UBR3: variants seen among roughly 807,000 people sequenced by gnomAD.
UBR3 encodes E3 ubiquitin-protein ligase UBR3.
UBR3 carries 85 observed loss-of-function variants against 243.2 expected under a neutral mutation model. The ratio of observed to expected loss-of-function variants is 0.35; its 90% CI spans 0.29 to 0.42. UBR3 has a LOEUF of 0.42. Ranked by LOEUF, UBR3 falls within the 10% of genes least tolerant of loss-of-function variation. UBR3 has a pLI of 1.00. For synonymous variants in UBR3, 748 were observed against 799.8 expected (o/e 0.94, Z 1.09); for missense variants, 1,686 against 2,300.8 (o/e 0.73, Z 5.47).
intron 8 of UBR3, among the ~76,000 whole-genome samples, chr2:169,901,033 A>G (rs1316601624): frequency 6.6e-6 from 1 of 152,148 alleles, no homozygotes; most frequent in Non-Finnish European, 1.5e-5. Context: ...TCATAGTTTA[A>G]ACTTTACCTT....
rs572614459 is a variant in UBR3 at position 169,852,704 on chromosome 2, A to G, written c.546-19532A>G. Among the ~76,000 whole-genome samples the G allele has an allele frequency of 6.4e-3, 967 of 151,074 alleles. 11 individuals carry two copies. The highest frequency in any genetic ancestry group is 0.022 in the African/African-American group (905 of 41,230). On this transcript the variant is annotated intron_variant, in intron 1 of 38. Coordinates refer to ENST00000272793, the MANE Select transcript of UBR3 (RefSeq NM_172070.4). ...CTAAAAATACAAAAAAAAAAAAAAA[A>G]GCTGGGTGTGGTGGCAGATGCCTGT...
chr2:169,925,481 C>A (rs1387015772), intron 13 of UBR3, 138 bp from the exon 14 acceptor site: 2 of 745,522 alleles, frequency 2.7e-6, no homozygotes, highest in East Asian at 3.3e-5. Flanking sequence ...TATATTTCAA[C>A]TGATTATCTT....
intron 5 of UBR3, among the ~76,000 whole-genome samples, chr2:169,888,009 C>G (rs1166839158): frequency 6.6e-6 from 1 of 152,052 alleles, no homozygotes; most frequent in African/African-American, 2.4e-5. Flanking sequence ...CTCCCGACCT[C>G]AGGTGATCCG....
At chr2:169,994,249 C>T in intron 25 of UBR3, 74 bp from the exon 26 acceptor site, 1 of 1,506,190 alleles carries the variant, frequency 6.6e-7, no homozygotes, top group African/African-American at 1.4e-5. Context: ...TGGTAAATAA[C>T]TCAGCTTTTC....
chr2:169,994,030 A>C (rs75690823), intron 25 of UBR3, among the ~76,000 whole-genome samples: 1 of 152,100 alleles, frequency 6.6e-6, no homozygotes, highest in South Asian at 2.1e-4. Flanking sequence ...AATACTGGAG[A>C]GTTATATCAT....
chr2:169,900,132 A>G (rs1195198404), intron 8 of UBR3, among the ~76,000 whole-genome samples: 6 of 152,198 alleles, frequency 3.9e-5, no homozygotes, highest in Admixed American at 1.3e-4. Flanking sequence ...AAGCGTTCCT[A>G]TTTCTCCACA....
intron 35 of UBR3, among the ~76,000 whole-genome samples, chr2:170,067,651 GTT>G (rs1475076429): frequency 6.6e-6 from 1 of 151,898 alleles, no homozygotes; most frequent in African/African-American, 2.4e-5. Flanking sequence ...TATAAAGTGT[GTT>G]TTTTGACTAC....
intron 24 of UBR3, among the ~76,000 whole-genome samples, chr2:169,980,256 GATA>G (rs1460818085): frequency 1.3e-5 from 2 of 152,206 alleles, no homozygotes; most frequent in Non-Finnish European, 2.9e-5. Context: ...TGATTCATGT[GATA>G]ATAATGGATT....
intron 29 of UBR3, among the ~76,000 whole-genome samples, chr2:170,009,282 A>G (rs1475976452): frequency 6.6e-6 from 1 of 152,182 alleles, no homozygotes; most frequent in Non-Finnish European, 1.5e-5. Flanking sequence ...ACGTTGTAAT[A>G]TGTTAAACAC....
intron 36 of UBR3, among the ~76,000 whole-genome samples, chr2:170,079,490 T>A (rs1244682475): frequency 6.6e-6 from 1 of 152,236 alleles, no homozygotes; most frequent in Non-Finnish European, 1.5e-5. Flanking sequence ...ATGTTTAAAG[T>A]CAAATACAAT....
At chr2:169,972,042 G>C (rs2088178713) in intron 24 of UBR3, among the ~76,000 whole-genome samples, 1 of 152,120 alleles carries the variant, frequency 6.6e-6, no homozygotes, top group African/African-American at 2.4e-5. Context: ...GAAGAAAAGA[G>C]AGAAGAATCA....
chr2:169,891,323 A>T, intron 6 of UBR3, 92 bp downstream of exon 6: 1 of 905,036 alleles, frequency 1.1e-6, no homozygotes, highest in Non-Finnish European at 1.7e-6. Context: ...AGCCATACTG[A>T]CATCAAAGCT....
At chr2:169,993,805 T>C (rs2089382923) in intron 25 of UBR3, among the ~76,000 whole-genome samples, 1 of 152,204 alleles carries the variant, frequency 6.6e-6, no homozygotes, top group Non-Finnish European at 1.5e-5. Flanking sequence ...TTACTATTAT[T>C]ATTCTTTTTA....
intron 25 of UBR3, among the ~76,000 whole-genome samples, chr2:169,992,106 A>T (rs190020910): frequency 1.3e-5 from 2 of 152,322 alleles, no homozygotes; most frequent in Non-Finnish European, 2.9e-5. Context: ...ACGGAAATAG[A>T]AAGGATTATA....
At chr2:170,006,961 C>A (rs16857407) in intron 27 of UBR3, 29 bp from the exon 28 acceptor site, 1 of 1,598,772 alleles carries the variant, frequency 6.3e-7, no homozygotes, top group East Asian at 2.2e-5. Flanking sequence ...GTGTATATCA[C>A]GCATCTGTAT....
chr2:170,044,727 G>T (rs984338705), intron 32 of UBR3, among the ~76,000 whole-genome samples: 1 of 152,064 alleles, frequency 6.6e-6, no homozygotes, highest in Non-Finnish European at 1.5e-5. Flanking sequence ...TAGGCAGGCC[G>T]GACACTTCTA....
chr2:170,035,463 G>A (rs181295104), intron 31 of UBR3, among the ~76,000 whole-genome samples: 46 of 152,076 alleles, frequency 3.0e-4, no homozygotes, highest in African/African-American at 1.1e-3. Flanking sequence ...GTTAAAGTCA[G>A]TTGACTATAA....
intron 2 of UBR3, 69 bp from the exon 3 acceptor site, chr2:169,875,722 C>T: frequency 7.8e-7 from 1 of 1,289,118 alleles, no homozygotes; most frequent in South Asian, 1.8e-5. Context: ...AGAATAAATA[C>T]TGTTATTTTT....
At chr2:169,966,688 A>G (rs13019671) in intron 24 of UBR3, among the ~76,000 whole-genome samples, 81,527 of 151,926 alleles carry the variant, frequency 0.54, 22,530 homozygotes, top group Non-Finnish European at 0.62. Context: ...ACTTCTCTCT[A>G]CCTCGTTTTC....
Sources: gnomAD v4.1 joint callset for allele counts (sites outside exome capture counted in the v4.1 genomes callset) on GRCh38, gnomAD v4.1.1 for gene constraint, MANE v1.5 for transcripts, NCBI Gene and HGNC (gene_info 2026-07-23, HGNC 2026-07-21) for gene names.